Variants in DPYD observed in about 807,000 individuals in gnomAD.
The protein encoded by DPYD is dihydropyrimidine dehydrogenase.
DPYD carries 109 observed loss-of-function variants against 116.2 expected under a neutral mutation model. That is an observed-to-expected ratio of 0.94 (90% CI 0.80 to 1.10). DPYD has a LOEUF of 1.10. Ranked by LOEUF, DPYD falls within the 50% of genes least tolerant of loss-of-function variation. The pLI, the probability that DPYD is intolerant of heterozygous loss-of-function variation, is 0.00. For missense variants in DPYD, 1,302 were observed against 1,254.5 expected (o/e 1.04, Z -0.57); for synonymous variants, 440 against 432.0 (o/e 1.02, Z -0.23).
intron 14 of DPYD, among the ~76,000 whole-genome samples, chr1:97,400,427 CTGCCAGACTT>C (rs1479715124): frequency 2.0e-5 from 3 of 152,174 alleles, no homozygotes; most frequent in African/African-American, 7.2e-5. Context: ...TGTTGTGTCT[CTGCCAGACTT>C]TGGTATCAGG....
intron 9 of DPYD, among the ~76,000 whole-genome samples, chr1:97,594,321 G>T (rs1654727904): frequency 1.3e-5 from 2 of 152,110 alleles, no homozygotes; most frequent in African/African-American, 2.4e-5. Flanking sequence ...CAAACATCCA[G>T]TTCTACTGAG....
At chr1:97,757,934 G>A (rs182614112) in intron 3 of DPYD, among the ~76,000 whole-genome samples, 192 of 152,178 alleles carry the variant, frequency 1.3e-3, no homozygotes, top group South Asian at 3.9e-3. Context: ...GCAGCTTGGC[G>A]CTAACCATTT....
At chr1:97,239,957 C>A (rs1662215778) in intron 18 of DPYD, among the ~76,000 whole-genome samples, 1 of 152,082 alleles carries the variant, frequency 6.6e-6, no homozygotes, top group Non-Finnish European at 1.5e-5. Flanking sequence ...CCCTCAAGGA[C>A]AATTGATTTC....
intron 21 of DPYD, among the ~76,000 whole-genome samples, chr1:97,095,730 G>A (rs1855364): frequency 1 from 152,154 of 152,166 alleles, 76,071 homozygotes; most frequent in Middle Eastern, 1. Flanking sequence ...TGTTATAACA[G>A]ATTTAATCTC....
At position 97,476,021 on chromosome 1, in the gene DPYD, T is replaced by C. The variant is rs978305256; in HGVS notation, c.1741-25798A>G. On this transcript the variant is annotated intron_variant, in intron 13 of 22. Coordinates refer to ENST00000370192, the MANE Select transcript of DPYD (RefSeq NM_000110.4). The stretch of plus-strand genomic sequence containing the variant: ...AGATTCCTAACCCTGAGGGGAGTCA[T>C]GGGCTAGCAAGGTAACAAAGAGTAA... Among the ~76,000 whole-genome samples the C allele has an allele frequency of 8.5e-5, 13 of 152,292 alleles. No homozygotes were observed. The South Asian group carries it at 2.1e-3, about 24-fold the overall frequency.
At chr1:97,500,161 A>G (rs1405317269) in intron 13 of DPYD, among the ~76,000 whole-genome samples, 2 of 151,994 alleles carry the variant, frequency 1.3e-5, no homozygotes, top group Non-Finnish European at 2.9e-5. Context: ...AACTTCTAGA[A>G]CTTTTAGTTT....
intron 14 of DPYD, among the ~76,000 whole-genome samples, chr1:97,433,556 T>C (rs1002485298): frequency 6.6e-6 from 1 of 152,186 alleles, no homozygotes; most frequent in Non-Finnish European, 1.5e-5. Flanking sequence ...ATTTTGTGGC[T>C]TATATCTTTT....
intron 2 of DPYD, among the ~76,000 whole-genome samples, chr1:97,830,471 T>C (rs1027788823): frequency 6.6e-6 from 1 of 152,014 alleles, no homozygotes; most frequent in Non-Finnish European, 1.5e-5. Flanking sequence ...CCCAGCACTT[T>C]GGGAGGCCGA....
chr1:97,746,270 GT>G (rs1474683446), intron 3 of DPYD, among the ~76,000 whole-genome samples: 1 of 152,042 alleles, frequency 6.6e-6, no homozygotes, highest in East Asian at 1.9e-4. Flanking sequence ...TAGGAAGCTA[GT>G]TTTATTACAA....
intron 8 of DPYD, among the ~76,000 whole-genome samples, chr1:97,658,275 T>A (rs1659054679): frequency 6.6e-6 from 1 of 152,202 alleles, no homozygotes; most frequent in Non-Finnish European, 1.5e-5. Flanking sequence ...GAGAAAATGC[T>A]TTGAAACCAA....
chr1:97,437,217 T>C (rs1285662350), intron 14 of DPYD, among the ~76,000 whole-genome samples: 1 of 151,692 alleles, frequency 6.6e-6, no homozygotes, highest in African/African-American at 2.4e-5. Context: ...AAGACAACCA[T>C]TGATTTACTT....
chr1:97,746,396 A>C (rs773434438), intron 3 of DPYD, among the ~76,000 whole-genome samples: 2 of 152,126 alleles, frequency 1.3e-5, no homozygotes, highest in African/African-American at 2.4e-5. Flanking sequence ...CCACAACCCC[A>C]ATCAAGTACT....
chr1:97,915,757 T>C (rs1285748223), intron 1 of DPYD, among the ~76,000 whole-genome samples: 1 of 152,212 alleles, frequency 6.6e-6, no homozygotes, highest in Non-Finnish European at 1.5e-5. Flanking sequence ...TGAAGGGCTC[T>C]GCAACATATT....
At chr1:97,176,208 G>T (rs1004645450) in intron 20 of DPYD, among the ~76,000 whole-genome samples, 1 of 152,192 alleles carries the variant, frequency 6.6e-6, no homozygotes, top group African/African-American at 2.4e-5. Flanking sequence ...AGAAAAGTGG[G>T]GGGAGAGTGG....
chr1:97,586,877 T>A (rs1654163326), intron 10 of DPYD, among the ~76,000 whole-genome samples: 1 of 152,128 alleles, frequency 6.6e-6, no homozygotes. Flanking sequence ...TTATACACAT[T>A]TCTAAAATTT....
chr1:97,782,340 C>T (rs1404745181), intron 3 of DPYD, among the ~76,000 whole-genome samples: 2 of 152,290 alleles, frequency 1.3e-5, no homozygotes, highest in Admixed American at 6.5e-5. Flanking sequence ...AACCCACTAT[C>T]CCATTTTCTT....
chr1:97,689,471 C>A (rs1437690137), intron 7 of DPYD, among the ~76,000 whole-genome samples: 1 of 151,892 alleles, frequency 6.6e-6, no homozygotes, highest in Non-Finnish European at 1.5e-5. Context: ...ATGAAATAAA[C>A]CTCTTTGGGA....
intron 8 of DPYD, among the ~76,000 whole-genome samples, chr1:97,662,707 TATC>T (rs1220769911): frequency 6.6e-6 from 1 of 152,140 alleles, no homozygotes; most frequent in East Asian, 1.9e-4. Context: ...TTTGCCCTAT[TATC>T]ATGAAAATCC....
chr1:97,878,707 T>C (rs190326610), intron 2 of DPYD, among the ~76,000 whole-genome samples: 26 of 152,122 alleles, frequency 1.7e-4, no homozygotes, highest in Admixed American at 1.4e-3. Flanking sequence ...TGGTCCACAC[T>C]GAAAGCTAGA....
Sources: gnomAD v4.1 joint callset for allele counts (sites outside exome capture counted in the v4.1 genomes callset) on GRCh38, gnomAD v4.1.1 for gene constraint, MANE v1.5 for transcripts, NCBI Gene and HGNC (gene_info 2026-07-23, HGNC 2026-07-21) for gene names.